SMARCA2: variants seen among roughly 807,000 people sequenced by gnomAD.
The protein encoded by SMARCA2 is SWI/SNF related BAF chromatin remodeling complex subunit ATPase 2.
Under a neutral mutation model 199.8 loss-of-function variants are expected in SMARCA2, and 61 were observed. The observed-to-expected ratio is 0.31, with a 90% CI of 0.25 to 0.38. SMARCA2 has a LOEUF of 0.38. Ranked by LOEUF, SMARCA2 falls within the 10% of genes least tolerant of loss-of-function variation. SMARCA2 has a pLI of 1.00. For missense variants in SMARCA2, 1,344 were observed against 2,012.2 expected, an observed-to-expected ratio of 0.67 and a Z score of 6.35; for synonymous variants, 935 against 732.0, an observed-to-expected ratio of 1.28 and a Z score of -4.48.
At chr9:2,076,501 C>T (rs933894080) in intron 13 of SMARCA2, among the ~76,000 whole-genome samples, 172 bp downstream of exon 13, 19 of 151,828 alleles carry the variant, frequency 1.3e-4, no homozygotes, top group African/African-American at 4.1e-4. Flanking sequence ...CTCGGGGTTT[C>T]GTGTTGATTC....
intron 18 of SMARCA2, among the ~76,000 whole-genome samples, chr9:2,088,103 G>A (rs949541259): frequency 6.6e-6 from 1 of 152,136 alleles, no homozygotes; most frequent in Non-Finnish European, 1.5e-5. Context: ...CAACCAAGAC[G>A]AAGGGCCTAA....
intron 25 of SMARCA2, among the ~76,000 whole-genome samples, chr9:2,117,794 T>G (rs755095031): frequency 3.9e-4 from 60 of 152,198 alleles, no homozygotes; most frequent in Non-Finnish European, 7.8e-4. Flanking sequence ...GTGAGCAGCC[T>G]TGCTGAGGCT....
At chr9:2,179,013 A>T (rs1304520469) in intron 29 of SMARCA2, among the ~76,000 whole-genome samples, 1 of 152,150 alleles carries the variant, frequency 6.6e-6, no homozygotes. Flanking sequence ...TATTTAGGAG[A>T]ATTTCCTCCA....
intron 14 of SMARCA2, among the ~76,000 whole-genome samples, chr9:2,078,730 G>A (rs911826543): frequency 6.6e-6 from 1 of 152,006 alleles, no homozygotes; most frequent in Non-Finnish European, 1.5e-5. Flanking sequence ...CGATCACAAG[G>A]TCAGGAGATT....
chr9:2,111,933 A>G (rs28437682), intron 24 of SMARCA2, among the ~76,000 whole-genome samples: 2,376 of 152,318 alleles, frequency 0.016, 29 homozygotes, highest in African/African-American at 0.035. Context: ...TAAAGCGACT[A>G]TTAAAATTTT....
intron 12 of SMARCA2, among the ~76,000 whole-genome samples, chr9:2,074,021 C>T (rs12342240): frequency 6.6e-5 from 10 of 152,066 alleles, no homozygotes; most frequent in Non-Finnish European, 1.3e-4. Context: ...TTCAGACCTT[C>T]GAGTCTATTT....
intron 29 of SMARCA2, among the ~76,000 whole-genome samples, chr9:2,179,772 T>C (rs1826882158): frequency 6.6e-6 from 1 of 152,216 alleles, no homozygotes; most frequent in Admixed American, 6.5e-5. Flanking sequence ...ATGTAGAAGA[T>C]GACACCATGA....
intron 25 of SMARCA2, among the ~76,000 whole-genome samples, chr9:2,118,856 A>C (rs1206111675): frequency 6.6e-6 from 1 of 152,110 alleles, no homozygotes; most frequent in Non-Finnish European, 1.5e-5. Context: ...TGTTACTGAT[A>C]CCTTTTTAGT....
At chr9:2,155,703 A>G (rs1004284016) in intron 27 of SMARCA2, among the ~76,000 whole-genome samples, 4 of 119,596 alleles carry the variant, frequency 3.3e-5, no homozygotes, top group Non-Finnish European at 6.7e-5. Context: ...CTTATGGCAT[A>G]TGGGGAAAGA....
chr9:2,183,180 G>A (rs567618872), intron 31 of SMARCA2, among the ~76,000 whole-genome samples: 1 of 152,238 alleles, frequency 6.6e-6, no homozygotes, highest in East Asian at 1.9e-4. Context: ...TGCTTTTTTG[G>A]AGATTGTATA....
chr9:2,108,954 A>G (rs565923454), intron 23 of SMARCA2, among the ~76,000 whole-genome samples: 8 of 152,334 alleles, frequency 5.3e-5, no homozygotes, highest in African/African-American at 1.7e-4. Flanking sequence ...ATGTGACTCA[A>G]TGAGAGCCCC....
At chr9:2,061,026 G>A in intron 9 of SMARCA2, 40 bp downstream of exon 9, 2 of 1,590,802 alleles carry the variant, frequency 1.3e-6, no homozygotes, top group South Asian at 1.1e-5. Flanking sequence ...CAGGGTGTAT[G>A]GGCAGGGATA....
At chr9:2,106,802 A>G in intron 23 of SMARCA2, among the ~76,000 whole-genome samples, 1 of 152,256 alleles carries the variant, frequency 6.6e-6, no homozygotes, top group East Asian at 1.9e-4. Context: ...TTTGAGTGAG[A>G]GCAAGTGGTG....
At chr9:2,070,553 T>C (rs2130413000) in intron 10 of SMARCA2, 82 bp downstream of exon 10, 2 of 947,700 alleles carry the variant, frequency 2.1e-6, no homozygotes, top group Non-Finnish European at 3.4e-6. Context: ...TCATGCATAC[T>C]ATTTTATTCT....
At chr9:2,118,521 G>A (rs758531024) in intron 25 of SMARCA2, among the ~76,000 whole-genome samples, 3 of 152,120 alleles carry the variant, frequency 2.0e-5, no homozygotes, top group Non-Finnish European at 2.9e-5. Flanking sequence ...GATGTCTGAA[G>A]TTCTGTGTTT....
intron 27 of SMARCA2, among the ~76,000 whole-genome samples, chr9:2,141,596 G>A (rs1196492559): frequency 2.0e-5 from 3 of 152,132 alleles, no homozygotes; most frequent in East Asian, 1.9e-4. Context: ...TAAAATAAAG[G>A]CAGTTTAAAG....
chr9:2,094,147 A>G (rs538284207), intron 19 of SMARCA2, among the ~76,000 whole-genome samples: 2 of 152,340 alleles, frequency 1.3e-5, no homozygotes, highest in African/African-American at 4.8e-5. Flanking sequence ...GTACAAAAAC[A>G]AACCAAGTGG....
intron 14 of SMARCA2, among the ~76,000 whole-genome samples, chr9:2,081,010 A>G (rs902771086): frequency 1.3e-5 from 2 of 152,230 alleles, no homozygotes; most frequent in African/African-American, 2.4e-5. Flanking sequence ...TTGTTCTTAC[A>G]TAAAAAATTA....
chr9:2,149,295 A>T (rs545027908), intron 27 of SMARCA2, among the ~76,000 whole-genome samples: 1 of 150,836 alleles, frequency 6.6e-6, no homozygotes, highest in African/African-American at 2.4e-5. Flanking sequence ...AGGCAGGTGG[A>T]TCACCTGAGG....
Sources: gnomAD v4.1 joint callset for allele counts (sites outside exome capture counted in the v4.1 genomes callset) on GRCh38, gnomAD v4.1.1 for gene constraint, MANE v1.5 for transcripts, NCBI Gene and HGNC (gene_info 2026-07-23, HGNC 2026-07-21) for gene names.